Variants in AGBL1 observed in about 807,000 individuals in gnomAD.
AGBL1 encodes AGBL carboxypeptidase 1.
A neutral mutation model predicts 118.9 loss-of-function variants in AGBL1; 130 were observed. The observed-to-expected ratio is 1.09, with a 90% CI of 0.95 to 1.26. The LOEUF (loss-of-function observed/expected upper bound fraction) is 1.26, where lower values mean the gene tolerates loss of function less well. AGBL1 is among the 50% of genes most tolerant of loss of function. The pLI, the probability that AGBL1 is intolerant of heterozygous loss-of-function variation, is 0.00. For synonymous variants in AGBL1, 555 were observed against 478.9 expected (o/e 1.16, Z -2.08); for missense variants, 1,584 against 1,298.1 (o/e 1.22, Z -3.38).
chr15:86,763,803 G>T (rs1488711565), intron 22 of AGBL1, among the ~76,000 whole-genome samples: 2 of 151,966 alleles, frequency 1.3e-5, no homozygotes, highest in Non-Finnish European at 2.9e-5. Context: ...GGAATTCTTT[G>T]ATTCTAACTC....
chr15:86,730,576 T>G (rs936477358), intron 22 of AGBL1, among the ~76,000 whole-genome samples: 2 of 152,224 alleles, frequency 1.3e-5, no homozygotes, highest in African/African-American at 4.8e-5. Flanking sequence ...TATTAGTGTT[T>G]CCACAGTTAA....
At chr15:86,328,458 A>G (rs1460680315) in intron 17 of AGBL1, among the ~76,000 whole-genome samples, 1 of 152,214 alleles carries the variant, frequency 6.6e-6, no homozygotes, top group Non-Finnish European at 1.5e-5. Flanking sequence ...AACGGTTTTT[A>G]ATTTTTTTTC....
chr15:86,987,953 C>A, intron 23 of AGBL1: 2 of 1,590,480 alleles, frequency 1.3e-6, no homozygotes, highest in African/African-American at 1.3e-5. Flanking sequence ...TTATTTTCAC[C>A]AATCTGTACC....
At position 86,374,259 on chromosome 15, in the gene AGBL1, C is replaced by A. The variant is rs533050235; in HGVS notation, c.2375-23107C>A. On this transcript the variant is annotated intron_variant, in intron 17 of 22. Transcript: ENST00000614907. ...ACTTGGAGCCAAATAAGATTTGTAT[C>A]TTAGTGAGGAAACGTCTGTGGATTT... 8.5e-5 allele frequency among the ~76,000 whole-genome samples: 13 copies of A among 152,274 alleles called. No homozygotes were observed. The South Asian group carries it at 2.1e-3, about 24-fold the overall frequency.
chr15:86,419,275 T>C (rs2081750284), intron 18 of AGBL1, among the ~76,000 whole-genome samples: 1 of 152,022 alleles, frequency 6.6e-6, no homozygotes, highest in Non-Finnish European at 1.5e-5. Flanking sequence ...CATCTTCATC[T>C]CATTGGGACT....
intron 21 of AGBL1, among the ~76,000 whole-genome samples, chr15:86,665,069 G>T (rs962032241): frequency 6.6e-6 from 1 of 151,926 alleles, no homozygotes; most frequent in African/African-American, 2.4e-5. Flanking sequence ...GTAAAATTGG[G>T]GTCATAAAGA....
intron 17 of AGBL1, among the ~76,000 whole-genome samples, chr15:86,387,599 A>G (rs2081216250): frequency 6.6e-6 from 1 of 152,186 alleles, no homozygotes; most frequent in Non-Finnish European, 1.5e-5. Flanking sequence ...AAATATGTGT[A>G]TTACTTACAA....
intron 24 of AGBL1, among the ~76,000 whole-genome samples, chr15:87,011,149 A>G (rs2081555280): frequency 6.6e-6 from 1 of 152,240 alleles, no homozygotes; most frequent in South Asian, 2.1e-4. Context: ...AAGTTACATA[A>G]GAACCTGCCT....
intron 22 of AGBL1, among the ~76,000 whole-genome samples, chr15:86,815,706 C>G (rs1184818662): frequency 6.6e-6 from 1 of 151,302 alleles, no homozygotes; most frequent in African/African-American, 2.4e-5. Flanking sequence ...TCCAATCTTT[C>G]TGATATATTT....
chr15:86,794,564 A>G lies in AGBL1; in HGVS notation c.3159-112523A>G, dbSNP rs369672271. 2.6e-4 allele frequency among the ~76,000 whole-genome samples: 39 copies of G among 152,282 alleles called. No homozygotes were observed. In the South Asian group the frequency reaches 7.7e-3, roughly 30 times the overall value. On this transcript the variant is annotated intron_variant, in intron 22 of 22. Transcript: ENST00000614907. ...AAGCATTGTGAGCGCAGTAAAAGCT[A>G]CTGAATTGTACACAGTACTTTACAA... is the stretch of plus-strand genomic sequence containing the variant.
At chr15:86,938,321 T>C (rs1171836634) in intron 23 of AGBL1, among the ~76,000 whole-genome samples, 2 of 152,180 alleles carry the variant, frequency 1.3e-5, no homozygotes, top group African/African-American at 4.8e-5. Flanking sequence ...GACACAGATA[T>C]GATGGCTTGA....
At chr15:86,546,221 GTT>G (rs374062180) in intron 20 of AGBL1, 88 bp downstream of exon 20, 1,152 of 1,059,580 alleles carry the variant, frequency 1.1e-3, no homozygotes, top group African/African-American at 3.7e-3. Context: ...CATTTATTTA[GTT>G]TTTTTTTTTT....
At chr15:86,969,801 A>G (rs1195298682) in intron 23 of AGBL1, among the ~76,000 whole-genome samples, 1 of 151,992 alleles carries the variant, frequency 6.6e-6, no homozygotes, top group Non-Finnish European at 1.5e-5. Context: ...CATTGAACCT[A>G]CAGTGGGAAT....
chr15:86,979,489 C>CTTTT (rs60598448), intron 23 of AGBL1, among the ~76,000 whole-genome samples: 18 of 150,742 alleles, frequency 1.2e-4, no homozygotes, highest in African/African-American at 4.4e-4. Context: ...TTTTTTCTTT[C>CTTTT]TTTTTTTTGG....
chr15:86,885,645 T>A (rs866927625), intron 22 of AGBL1, among the ~76,000 whole-genome samples: 7 of 152,282 alleles, frequency 4.6e-5, no homozygotes, highest in Non-Finnish European at 7.4e-5. Flanking sequence ...AGGAAAAATG[T>A]ATGTGAAAAA....
intron 21 of AGBL1, among the ~76,000 whole-genome samples, chr15:86,673,452 T>C (rs1414004590): frequency 6.6e-6 from 1 of 152,170 alleles, no homozygotes; most frequent in African/African-American, 2.4e-5. Context: ...GCTTTTTATG[T>C]TGAGTAGTCA....
intron 18 of AGBL1, among the ~76,000 whole-genome samples, chr15:86,411,371 G>A (rs2081617539): frequency 6.6e-6 from 1 of 152,116 alleles, no homozygotes; most frequent in Non-Finnish European, 1.5e-5. Context: ...CTCGAAGGCT[G>A]GCATTGGAAA....
At position 86,271,705 on chromosome 15, in the gene AGBL1, A is replaced by T; in HGVS notation, c.2074A>T (p.Lys692Ter). Residue 692 changes from lysine to a stop codon, truncating the protein, a stop_gained and splice_region_variant, in exon 15 of 23, where the codon AAA (lysine) becomes TAA (stop). Coordinates refer to ENST00000614907, the MANE Select transcript of AGBL1 (RefSeq NM_001386094.1). LOFTEE classifies it high-confidence loss of function. ...IRTGHEICYY[K>*]NHYRQSTAVA... is the part of the protein sequence containing the mutation. Reference sequence around the variant, plus strand: ...GACAGGCCATGAAATATGTTATTACAAGTAAGTTAGAGCGCTGTTAGCTTC... The same window carrying T: ...GACAGGCCATGAAATATGTTATTACTAGTAAGTTAGAGCGCTGTTAGCTTC... The T allele has an allele frequency of 6.2e-7, 1 of 1,611,574 alleles. No homozygotes were observed. The highest frequency in any genetic ancestry group is 8.5e-7 in the Non-Finnish European group (1 of 1,177,722).
intron 7 of AGBL1, among the ~76,000 whole-genome samples, chr15:86,255,793 G>A (rs1418569103): frequency 4.0e-5 from 6 of 151,888 alleles, no homozygotes; most frequent in Non-Finnish European, 7.4e-5. Flanking sequence ...AAAAAAGAAA[G>A]TTGACTTACT....
Sources: allele counts gnomAD v4.1 joint callset (sites outside exome capture counted in the v4.1 genomes callset), GRCh38; gene constraint gnomAD v4.1.1; transcripts MANE v1.5; gene names NCBI Gene and HGNC (gene_info 2026-07-23, HGNC 2026-07-21).